CSRP2: variants seen among roughly 807,000 people sequenced by gnomAD.
CSRP2 encodes the protein cysteine and glycine rich protein 2.
A neutral mutation model predicts 24.6 loss-of-function variants in CSRP2; 18 were observed. The observed-to-expected ratio is 0.73, with a 90% CI of 0.51 to 1.09. CSRP2 has a LOEUF of 1.09. Ranked by LOEUF, CSRP2 falls within the 50% of genes least tolerant of loss-of-function variation. The pLI is 0.00. For missense variants in CSRP2, 215 were observed against 239.4 expected (o/e 0.90, Z 0.67); for synonymous variants, 87 against 84.3 (o/e 1.03, Z -0.18).
intron 5 of CSRP2, 23 bp downstream of exon 5, chr12:76,859,524 G>T: frequency 6.8e-7 from 1 of 1,469,816 alleles, no homozygotes; most frequent in Non-Finnish European, 9.5e-7. Context: ...CATATGGACA[G>T]CAGTAACTGA....
At chr12:76,869,017 A>C (rs749913683) in intron 1 of CSRP2, among the ~76,000 whole-genome samples, 3 of 152,064 alleles carry the variant, frequency 2.0e-5, no homozygotes, top group African/African-American at 4.8e-5. Flanking sequence ...TCGTGTTGCT[A>C]TAACAGTATA....
At chr12:76,872,789 G>A (rs953805211) in intron 1 of CSRP2, among the ~76,000 whole-genome samples, 5 of 152,184 alleles carry the variant, frequency 3.3e-5, no homozygotes, top group Admixed American at 6.5e-5. Context: ...TCTCTGTACC[G>A]GGGAGCTTCT....
chr12:76,877,958 C>G (rs1214567791), intron 1 of CSRP2, among the ~76,000 whole-genome samples: 1 of 134,062 alleles, frequency 7.5e-6, no homozygotes, highest in Non-Finnish European at 1.6e-5. Flanking sequence ...TAACTGCCCC[C>G]GCCCCACCCC....
rs1953704416 is a variant in CSRP2, at chr12:76,863,351, G to C, written c.113-7C>G. On this transcript the variant is annotated splice_region_variant and splice_polypyrimidine_tract_variant and intron_variant, in intron 2 of 5. Coordinates refer to ENST00000311083, the MANE Select transcript of CSRP2 (RefSeq NM_001321.3). The stretch of plus-strand genomic sequence containing the variant: ...AAATTTTTCCTGCAAACCACTGCAG[G>C]GGAAAAAGTTAGACTTTACACATGT... The C allele has an allele frequency of 6.2e-7, 1 of 1,613,176 alleles. No homozygotes were observed. The highest frequency in any genetic ancestry group is 8.5e-7 in the Non-Finnish European group (1 of 1,179,658).
At chr12:76,863,366 T>C in intron 2 of CSRP2, 22 bp from the exon 3 acceptor site, 4 of 1,610,620 alleles carry the variant, frequency 2.5e-6, no homozygotes, top group Non-Finnish European at 3.4e-6. Context: ...AAAGTTAGAC[T>C]TTACACATGT....
rs370355440 is a variant in CSRP2, at chr12:76,858,909, G to A, written c.*43C>T. The stretch of plus-strand genomic sequence containing the variant: ...TAAAGATTATCTGTGCCTAGATTAT[G>A]AAGAGATTCTCAGTGTGTGATGTTT... On this transcript the variant is annotated 3_prime_UTR_variant, in exon 6 of 6. Coordinates refer to ENST00000311083, the MANE Select transcript of CSRP2 (RefSeq NM_001321.3). The A allele has an allele frequency of 2.0e-6, 3 of 1,516,588 alleles. No homozygotes were observed. The highest frequency in any genetic ancestry group is 1.7e-4 in the Middle Eastern group (1 of 5,866). 93.9% of individuals were successfully genotyped at this position (1,516,588 alleles called of 1,614,324 possible).
At chr12:76,869,576 A>ACC (rs1555192099) in intron 1 of CSRP2, among the ~76,000 whole-genome samples, 10 of 139,138 alleles carry the variant, frequency 7.2e-5, no homozygotes, top group Admixed American at 1.4e-4. Flanking sequence ...ACACACACAC[A>ACC]CACCCCTGAC....
intron 1 of CSRP2, among the ~76,000 whole-genome samples, chr12:76,877,960 C>A (rs1953867653): frequency 1.0e-5 from 1 of 98,446 alleles, no homozygotes; most frequent in African/African-American, 3.9e-5. Flanking sequence ...ACTGCCCCCG[C>A]CCCACCCCCC....
At chr12:76,860,680 CAG>C (rs1419809988) in intron 3 of CSRP2, 10 of 295,660 alleles carry the variant, frequency 3.4e-5, no homozygotes, top group Non-Finnish European at 5.7e-5. Context: ...TGAGTCTAAA[CAG>C]AATTCATTTA....
chr12:76,873,941 TA>T (rs1824505565), intron 1 of CSRP2, among the ~76,000 whole-genome samples: 1 of 152,206 alleles, frequency 6.6e-6, no homozygotes, highest in African/African-American at 2.4e-5. Flanking sequence ...AGCTCTCATA[TA>T]AATGTATTAA....
chr12:76,865,031 T>C (rs1422819287), intron 2 of CSRP2: 1 of 152,244 alleles, frequency 6.6e-6, no homozygotes, highest in Non-Finnish European at 1.5e-5. Context: ...AGTAAAATTC[T>C]CATAGGTCTG....
chr12:76,862,612 A>ATT (rs1232890425), intron 3 of CSRP2: 1 of 623,698 alleles, frequency 1.6e-6, no homozygotes. Context: ...ATGAAATACT[A>ATT]AGTGAACTTT....
chr12:76,877,138 G>A (rs529248203), intron 1 of CSRP2, among the ~76,000 whole-genome samples: 2 of 152,310 alleles, frequency 1.3e-5, no homozygotes, highest in South Asian at 4.1e-4. Context: ...TTTTGACAAA[G>A]AAGAAAACCT....
intron 1 of CSRP2, among the ~76,000 whole-genome samples, chr12:76,867,442 G>C (rs1167917401): frequency 6.6e-6 from 1 of 152,042 alleles, no homozygotes; most frequent in East Asian, 1.9e-4. Flanking sequence ...CCAGGAAGCG[G>C]AGGTTGCACT....
intron 1 of CSRP2, among the ~76,000 whole-genome samples, chr12:76,872,041 T>C (rs1490764046): frequency 6.6e-6 from 1 of 152,186 alleles, no homozygotes; most frequent in Non-Finnish European, 1.5e-5. Context: ...AGGCATTAAT[T>C]TACAGAATGG....
intron 1 of CSRP2, among the ~76,000 whole-genome samples, chr12:76,868,388 G>A (rs1015402562): frequency 3.9e-5 from 6 of 152,090 alleles, no homozygotes; most frequent in Admixed American, 1.3e-4. Context: ...AGTCTTTCGC[G>A]TGCTGGTCTC....
chr12:76,874,072 A>G (rs1398562842), intron 1 of CSRP2, among the ~76,000 whole-genome samples: 1 of 152,218 alleles, frequency 6.6e-6, no homozygotes, highest in African/African-American at 2.4e-5. Flanking sequence ...GACAAACAAT[A>G]GCAATATAAT....
chr12:76,862,809 C>A, intron 3 of CSRP2: 1 of 1,469,712 alleles, frequency 6.8e-7, no homozygotes. Context: ...TGGCTGCTTA[C>A]ATTGCACATG....
At chr12:76,877,501 G>A (rs1254284835) in intron 1 of CSRP2, among the ~76,000 whole-genome samples, 1 of 152,048 alleles carries the variant, frequency 6.6e-6, no homozygotes, top group Non-Finnish European at 1.5e-5. Flanking sequence ...AACCTTATTC[G>A]CTCCTTCTTT....
Sources: gnomAD v4.1 joint callset for allele counts (sites outside exome capture counted in the v4.1 genomes callset) on GRCh38, gnomAD v4.1.1 for gene constraint, MANE v1.5 for transcripts, NCBI Gene and HGNC (gene_info 2026-07-23, HGNC 2026-07-21) for gene names.